The following KCTD8 variants were observed in gnomAD, a reference collection of about 807,000 sequenced individuals.
KCTD8 encodes potassium channel tetramerization domain containing 8, also known as BTB/POZ domain-containing protein KCTD8.
Under a neutral mutation model 31.5 loss-of-function variants are expected in KCTD8, and 27 were observed. The ratio of observed to expected loss-of-function variants is 0.86; its 90% CI spans 0.63 to 1.18. The LOEUF (loss-of-function observed/expected upper bound fraction) is 1.18. Ranked by LOEUF, KCTD8 falls within the 50% of genes most tolerant of loss-of-function variation. KCTD8 has a pLI of 0.00. For missense variants in KCTD8, 658 were observed against 647.7 expected, an observed-to-expected ratio of 1.02 and a Z score of -0.17; for synonymous variants, 290 against 280.0, an observed-to-expected ratio of 1.04 and a Z score of -0.36.
chr4:44,418,141 G>C (rs1327509640), intron 1 of KCTD8, among the ~76,000 whole-genome samples: 2 of 152,118 alleles, frequency 1.3e-5, no homozygotes, highest in South Asian at 2.1e-4. Flanking sequence ...CTGCAATGGA[G>C]AAAATTGGGA....
At chr4:44,324,073 C>A (rs7686984) in intron 1 of KCTD8, among the ~76,000 whole-genome samples, 27,979 of 132,900 alleles carry the variant, frequency 0.21, 3,665 homozygotes, top group African/African-American at 0.37. Context: ...CAAAACAAAA[C>A]AAAAAAAAAA....
At chr4:44,343,227 G>A (rs1181513609) in intron 1 of KCTD8, among the ~76,000 whole-genome samples, 3 of 152,168 alleles carry the variant, frequency 2.0e-5, no homozygotes, top group African/African-American at 7.2e-5. Flanking sequence ...TGAACACTTA[G>A]AGACTGCTGC....
intron 1 of KCTD8, among the ~76,000 whole-genome samples, chr4:44,192,086 G>A (rs552003243): frequency 9.2e-5 from 14 of 152,084 alleles, no homozygotes; most frequent in Non-Finnish European, 1.3e-4. Context: ...CAGACTGGCC[G>A]ACACTTAGGG....
intron 1 of KCTD8, among the ~76,000 whole-genome samples, chr4:44,265,024 C>A (rs1716300354): frequency 1.3e-5 from 2 of 152,156 alleles, no homozygotes; most frequent in African/African-American, 4.8e-5. Flanking sequence ...TGTCTGACAG[C>A]TTTGAAGAGA....
At chr4:44,275,508 A>G (rs1716727918) in intron 1 of KCTD8, among the ~76,000 whole-genome samples, 1 of 152,052 alleles carries the variant, frequency 6.6e-6, no homozygotes, top group Non-Finnish European at 1.5e-5. Flanking sequence ...CTTTAGGAGG[A>G]GAAAGTTTTT....
chr4:44,280,967 A>C (rs901299465), intron 1 of KCTD8, among the ~76,000 whole-genome samples: 1 of 152,108 alleles, frequency 6.6e-6, no homozygotes, highest in Non-Finnish European at 1.5e-5. Flanking sequence ...TGATGTCTAT[A>C]AGACAAGCGC....
chr4:44,408,690 C>T (rs532129641), intron 1 of KCTD8, among the ~76,000 whole-genome samples: 4 of 152,098 alleles, frequency 2.6e-5, no homozygotes, highest in Non-Finnish European at 5.9e-5. Context: ...AGAATTTCAG[C>T]ACACTGCAAC....
At chr4:44,316,299 C>T (rs77931177) in intron 1 of KCTD8, among the ~76,000 whole-genome samples, 4,479 of 152,058 alleles carry the variant, frequency 0.029, 239 homozygotes, top group African/African-American at 0.1. Context: ...CCAATAGATT[C>T]AATTTACACC....
chr4:44,234,332 C>T (rs73245589), intron 1 of KCTD8, among the ~76,000 whole-genome samples: 18,118 of 152,090 alleles, frequency 0.12, 1,330 homozygotes, highest in East Asian at 0.24. Context: ...CTAGGAGGCT[C>T]CAATCTACTC....
intron 1 of KCTD8, among the ~76,000 whole-genome samples, chr4:44,416,821 G>C (rs1406079001): frequency 6.6e-6 from 1 of 152,132 alleles, no homozygotes; most frequent in Non-Finnish European, 1.5e-5. Flanking sequence ...CCTAGGTTCA[G>C]ATATTTCCTT....
chr4:44,297,669 A>G lies in KCTD8; in HGVS notation c.962-122419T>C, dbSNP rs77878019. ...TGAAATACCATGTCTGCTTCTCCCA[A>G]GGCAAAGCATTTCAAAATCCCAAAT... On this transcript the variant is annotated intron_variant, in intron 1 of 1. Transcript: ENST00000360029. Among the ~76,000 whole-genome samples, 46 of 152,270 alleles carry G rather than the reference A, an allele frequency of 3.0e-4. No homozygotes were observed. The East Asian group carries it at 8.9e-3, about 29-fold the overall frequency.
intron 1 of KCTD8, among the ~76,000 whole-genome samples, chr4:44,272,302 T>C (rs1348239483): frequency 2.6e-5 from 4 of 151,738 alleles, no homozygotes; most frequent in African/African-American, 9.7e-5. Flanking sequence ...AGAACCTTTT[T>C]CAGAAAGATA....
intron 1 of KCTD8, among the ~76,000 whole-genome samples, chr4:44,383,607 A>G (rs1381394645): frequency 6.6e-6 from 1 of 152,028 alleles, no homozygotes; most frequent in African/African-American, 2.4e-5. Context: ...GGGAAAACTG[A>G]ATAACCATAA....
chr4:44,346,443 C>G lies in KCTD8; in HGVS notation c.961+101120G>C, dbSNP rs370511322. Among the ~76,000 whole-genome samples the G allele has an allele frequency of 2.0e-5, 3 of 152,114 alleles. No homozygotes were observed. The East Asian group carries it at 5.8e-4, about 29-fold the overall frequency. ...GATATTCAAAGCGACAATTTCAACT[C>G]TCATAGACATTCCTTATATTTAAAT... On this transcript the variant is annotated intron_variant, in intron 1 of 1. Coordinates refer to ENST00000360029, the MANE Select transcript of KCTD8 (RefSeq NM_198353.3).
chr4:44,194,562 A>T (rs146592700), intron 1 of KCTD8, among the ~76,000 whole-genome samples: 102 of 152,210 alleles, frequency 6.7e-4, no homozygotes, highest in Non-Finnish European at 1.3e-3. Flanking sequence ...TTCTGGTATG[A>T]CTCATGTGAC....
At chr4:44,269,413 G>A (rs1005523807) in intron 1 of KCTD8, among the ~76,000 whole-genome samples, 3 of 151,096 alleles carry the variant, frequency 2.0e-5, no homozygotes, top group African/African-American at 7.3e-5. Flanking sequence ...AGACTTAAAT[G>A]TTAGACCTAA....
intron 1 of KCTD8, among the ~76,000 whole-genome samples, chr4:44,198,162 G>C (rs963879588): frequency 3.3e-5 from 5 of 152,200 alleles, no homozygotes; most frequent in African/African-American, 7.2e-5. Flanking sequence ...TATGTAAAAA[G>C]ACCAAATCTA....
chr4:44,334,873 T>C (rs922286820), intron 1 of KCTD8, among the ~76,000 whole-genome samples: 1 of 152,114 alleles, frequency 6.6e-6, no homozygotes, highest in Non-Finnish European at 1.5e-5. Context: ...AACCCAAACA[T>C]CCAATTACAG....
At chr4:44,408,714 G>T (rs1322418683) in intron 1 of KCTD8, among the ~76,000 whole-genome samples, 1 of 152,056 alleles carries the variant, frequency 6.6e-6, no homozygotes, top group Non-Finnish European at 1.5e-5. Context: ...TGACTCCCAG[G>T]TTCCAGCAAT....
Sources: allele counts gnomAD v4.1 joint callset (sites outside exome capture counted in the v4.1 genomes callset), GRCh38; gene constraint gnomAD v4.1.1; transcripts MANE v1.5; gene names NCBI Gene and HGNC (gene_info 2026-07-23, HGNC 2026-07-21).